HIRA: variants seen among roughly 807,000 people sequenced by gnomAD.
The protein encoded by HIRA is histone cell cycle regulator.
Under a neutral mutation model 126.6 loss-of-function variants are expected in HIRA, and 13 were observed. The ratio of observed to expected loss-of-function variants is 0.10; its 90% confidence interval spans 0.07 to 0.16. HIRA has a LOEUF of 0.16. Among genes scored for constraint, HIRA ranks in the 10% least tolerant of loss-of-function variants. HIRA has a pLI of 1.00. For missense variants in HIRA, 834 were observed against 1,314.4 expected, an observed-to-expected ratio of 0.63 and a Z score of 5.65; for synonymous variants, 511 against 520.0, an observed-to-expected ratio of 0.98 and a Z score of 0.24.
chr22:19,354,188 A>G, intron 21 of HIRA, 70 bp from the exon 22 acceptor site: 1 of 1,506,672 alleles, frequency 6.6e-7, no homozygotes, highest in African/African-American at 1.4e-5. Flanking sequence ...TGCCAACCAG[A>G]GAAGGCTGGC....
At chr22:19,355,718 G>T in intron 21 of HIRA, 42 bp downstream of exon 21, 1 of 1,419,520 alleles carries the variant, frequency 7.0e-7, no homozygotes, top group Non-Finnish European at 1.0e-6. Context: ...AGAGCAGACA[G>T]ACACTCTTCC....
Position 19,385,722 on chromosome 22 carries a change from C to T in HIRA, c.1128G>A (p.Gln376=), listed in dbSNP as rs751385159. The T allele has an allele frequency of 1.2e-6, 2 of 1,613,608 alleles. No homozygotes were observed. Among genetic ancestry groups the T allele is most frequent in the Non-Finnish European group, 8.5e-7 (1 of 1,179,864 alleles). ...TGGCTAGGCTCTTGCCATAGGTGGA[C>T]TGGTGAATGCGGCTCTGGGGAAGCA... is the stretch of plus-strand genomic sequence containing the variant. ...LSEEEKSRIH[Q]STYGKSLAIM... Residue 376 remains glutamine, a synonymous_variant, in exon 12 of 25, where the codon CAG becomes CAA. Coordinates refer to ENST00000263208, the MANE Select transcript of HIRA (RefSeq NM_003325.4).
chr22:19,390,191 C>T (rs1286763233), intron 9 of HIRA, among the ~76,000 whole-genome samples: 1 of 152,114 alleles, frequency 6.6e-6, no homozygotes, highest in East Asian at 1.9e-4. Context: ...GAAACCGCCA[C>T]AGTTCTTACC....
intron 14 of HIRA, 87 bp downstream of exon 14, chr22:19,377,782 C>T (rs1601829290): frequency 8.1e-7 from 1 of 1,227,246 alleles, no homozygotes; most frequent in Non-Finnish European, 1.1e-6. Flanking sequence ...CCACAAAGTG[C>T]AAACAGAATA....
chr22:19,409,988 G>T (rs770120687), intron 2 of HIRA, among the ~76,000 whole-genome samples: 6 of 152,208 alleles, frequency 3.9e-5, no homozygotes, highest in Non-Finnish European at 8.8e-5. Context: ...CTGGCCTGAG[G>T]ACCTAGAGCT....
intron 1 of HIRA, among the ~76,000 whole-genome samples, chr22:19,428,817 T>A (rs1018711162): frequency 1.3e-5 from 2 of 152,094 alleles, no homozygotes; most frequent in Non-Finnish European, 2.9e-5. Flanking sequence ...CTTCACAAAA[T>A]TGGAGACATG....
chr22:19,362,242 AC>A (rs1456270912), intron 15 of HIRA, among the ~76,000 whole-genome samples: 17 of 152,240 alleles, frequency 1.1e-4, no homozygotes. Context: ...GAGAAAAAAA[AC>A]AATGAACATA....
intron 13 of HIRA, among the ~76,000 whole-genome samples, chr22:19,380,832 C>T (rs2146213978): frequency 6.6e-6 from 1 of 152,306 alleles, no homozygotes; most frequent in East Asian, 1.9e-4. Flanking sequence ...CCATGTTGGC[C>T]AGGCTGGTCT....
intron 15 of HIRA, among the ~76,000 whole-genome samples, chr22:19,371,459 A>G (rs1438341511): frequency 6.6e-6 from 1 of 151,776 alleles, no homozygotes; most frequent in Non-Finnish European, 1.5e-5. Flanking sequence ...ATAGTGTATT[A>G]TTCTTTTAAT....
chr22:19,380,369 G>A (rs1237254195), intron 13 of HIRA, among the ~76,000 whole-genome samples: 7 of 152,062 alleles, frequency 4.6e-5, no homozygotes, highest in South Asian at 2.1e-4. Flanking sequence ...TCCATTTACC[G>A]AATTAGCCAA....
At chr22:19,361,461 G>A in intron 16 of HIRA, 120 bp from the exon 17 acceptor site, 1 of 838,494 alleles carries the variant, frequency 1.2e-6, no homozygotes, top group Non-Finnish European at 2.0e-6. Flanking sequence ...CCCTGGGAGG[G>A]AGGAAGCAGA....
chr22:19,388,614 C>G, intron 9 of HIRA, 60 bp from the exon 10 acceptor site: 1 of 1,395,714 alleles, frequency 7.2e-7, no homozygotes, highest in South Asian at 1.2e-5. Flanking sequence ...CTGTATTCAG[C>G]TCAGTTAACA....
intron 5 of HIRA, among the ~76,000 whole-genome samples, chr22:19,400,893 C>A (rs1050423871): frequency 2.6e-5 from 4 of 152,146 alleles, no homozygotes; most frequent in Non-Finnish European, 4.4e-5. Flanking sequence ...AACCTTCCCA[C>A]AGGCCAACCA....
At position 19,356,927 on chromosome 22, in the gene HIRA, C is replaced by T. The variant is rs782075352; in HGVS notation, c.2359G>A (p.Val787Ile). ...GTGGCTGCAGCGGTGAGCGCCATGA[C>T]GTAGGAGCCTGTGCAATGCAAAGTA... The part of the protein sequence containing the change: ...ISTLHCTGSY[V>I]MALTAAATLS... Residue 787 changes from valine to isoleucine, a missense_variant, in exon 19 of 25, where the codon GTC becomes ATC. Transcript: ENST00000263208. The T allele has an allele frequency of 5.0e-5, 80 of 1,613,800 alleles. No homozygotes were observed. Among genetic ancestry groups the T allele is most frequent in the Middle Eastern group, 1.6e-4 (1 of 6,084 alleles).
chr22:19,389,668 A>C (rs1301854576), intron 9 of HIRA, among the ~76,000 whole-genome samples: 1 of 152,146 alleles, frequency 6.6e-6, no homozygotes, highest in East Asian at 1.9e-4. Context: ...CAGACCCCTC[A>C]GAAATCTACA....
intron 15 of HIRA, among the ~76,000 whole-genome samples, chr22:19,362,342 C>G (rs955479643): frequency 6.6e-6 from 1 of 152,082 alleles, no homozygotes; most frequent in East Asian, 1.9e-4. Context: ...TCTTGAATTA[C>G]TATAGTTTAT....
In HIRA at chr22:19,351,175, C is replaced by T. The variant is rs1290690142; in HGVS notation, c.2937+183G>A. On this transcript the variant is annotated intron_variant, in intron 24 of 24. Coordinates refer to ENST00000263208, the MANE Select transcript of HIRA (RefSeq NM_003325.4). This position sits in a 1 kb window ranked among gnomAD's most constrained non-coding sequence, Gnocchi z 4.8. ...TCCGTGGCTCCTGATGTCCAGGGCCCAGCTCCTGCCAGGTTGTGGAGGGCC... is the reference window on the plus strand; with the variant it reads ...TCCGTGGCTCCTGATGTCCAGGGCCTAGCTCCTGCCAGGTTGTGGAGGGCC... 4.1e-6 allele frequency: 4 copies of T among 985,242 alleles called. No homozygotes were observed. The highest frequency in any genetic ancestry group is 3.6e-6 in the Non-Finnish European group (3 of 829,926). 61.0% of individuals were successfully genotyped at this position (985,242 alleles called of 1,614,324 possible).
intron 14 of HIRA, among the ~76,000 whole-genome samples, 198 bp downstream of exon 14, chr22:19,377,671 C>T (rs545785442): frequency 6.6e-6 from 1 of 152,324 alleles, no homozygotes; most frequent in South Asian, 2.1e-4. Flanking sequence ...GTGAAATCCT[C>T]AACAGTCCTG....
chr22:19,429,132 TC>T (rs1213607749), intron 1 of HIRA, among the ~76,000 whole-genome samples: 8 of 119,734 alleles, frequency 6.7e-5, no homozygotes, highest in African/African-American at 1.5e-4. Context: ...AGTTGCCATA[TC>T]TTTTTTTTTT....
Sources: gnomAD v4.1 joint callset for allele counts (sites outside exome capture counted in the v4.1 genomes callset) on GRCh38, gnomAD v4.1.1 for gene constraint, Gnocchi (gnomAD v3.1) non-coding constraint, MANE v1.5 for transcripts, NCBI Gene and HGNC (gene_info 2026-07-23, HGNC 2026-07-21) for gene names.